KCNU1: variants seen among roughly 807,000 people sequenced by gnomAD.
KCNU1 encodes potassium calcium-activated channel subfamily U member 1.
Under a neutral mutation model 126.8 loss-of-function variants are expected in KCNU1, and 93 were observed. The ratio of observed to expected loss-of-function variants is 0.73; its 90% CI spans 0.62 to 0.87. The LOEUF is 0.87. Among genes scored for constraint, KCNU1 ranks in the 40% least tolerant of loss-of-function variants. The probability of loss-of-function intolerance (pLI) is 0.00; values close to 1 mark genes in which losing one functional copy is unlikely to be tolerated. For synonymous variants in KCNU1, 523 were observed against 494.2 expected (o/e 1.06, Z -0.77); for missense variants, 1,330 against 1,367.1 (o/e 0.97, Z 0.43).
At chr8:36,927,637 T>A (rs893562714) in intron 24 of KCNU1, among the ~76,000 whole-genome samples, 3 of 152,162 alleles carry the variant, frequency 2.0e-5, no homozygotes, top group African/African-American at 7.2e-5. Flanking sequence ...TCTTAAGGTC[T>A]TTGAGAATTC....
chr8:36,883,029 T>A (rs1806545972), intron 19 of KCNU1, among the ~76,000 whole-genome samples: 1 of 152,244 alleles, frequency 6.6e-6, no homozygotes. Flanking sequence ...CAAAGATATA[T>A]TGAATGAGTC....
At chr8:36,889,473 A>G (rs189283488) in intron 19 of KCNU1, among the ~76,000 whole-genome samples, 5 of 151,416 alleles carry the variant, frequency 3.3e-5, no homozygotes, top group Admixed American at 1.3e-4. Flanking sequence ...ACTTTTAAGG[A>G]AAAAAAAACT....
intron 19 of KCNU1, among the ~76,000 whole-genome samples, chr8:36,890,800 A>G (rs1222681253): frequency 6.6e-6 from 1 of 151,926 alleles, no homozygotes; most frequent in Non-Finnish European, 1.5e-5. Context: ...AAAATAATGA[A>G]GAAAGATAAA....
Position 36,936,026 on chromosome 8 carries a change from G to A in KCNU1, c.*106G>A. ...AAGAATGGAAGCATGCCATTTTTCT[G>A]CCCATTGCTTAGTGGTTCATGAAGG... On this transcript the variant is annotated 3_prime_UTR_variant, in exon 27 of 27. Coordinates refer to ENST00000399881, the MANE Select transcript of KCNU1 (RefSeq NM_001031836.3). 9.4e-7 allele frequency: 1 copy of A among 1,068,696 alleles called. No individual in the cohort carries two copies. The highest frequency in any genetic ancestry group is 1.3e-6 in the Non-Finnish European group (1 of 751,202). 66.2% of individuals were successfully genotyped at this position (1,068,696 alleles called of 1,614,324 possible).
chr8:36,903,999 G>A (rs1807524341), intron 19 of KCNU1, among the ~76,000 whole-genome samples: 1 of 152,054 alleles, frequency 6.6e-6, no homozygotes, highest in Non-Finnish European at 1.5e-5. Flanking sequence ...GGGATTATGA[G>A]AACTACCGTT....
rs1803503740 is a variant in KCNU1 at position 36,806,384 on chromosome 8, A to G, written c.580+4A>G. On this transcript the variant is annotated splice_donor_region_variant and intron_variant, in intron 5 of 26. Transcript: ENST00000399881. ...TATTTGAAGAGCAATTGGCTAGGTA[A>G]GTGTGCTCTGGGAACGGGTAGCAAT... 5 of 1,501,004 alleles carry G rather than the reference A, an allele frequency of 3.3e-6. No individual in the cohort carries two copies. The East Asian group carries it at 1.1e-4, about 34-fold the overall frequency. The allele number at this position is 1,501,004 out of a possible 1,614,324, so 93.0% of individuals were successfully genotyped here.
chr8:36,931,539 A>AAT (rs1276536330), intron 25 of KCNU1, among the ~76,000 whole-genome samples: 1 of 152,032 alleles, frequency 6.6e-6, no homozygotes, highest in Non-Finnish European at 1.5e-5. Flanking sequence ...TTTTCCACTT[A>AAT]ATCTGCCCAT....
At chr8:36,934,872 C>A (rs1033075882) in intron 26 of KCNU1, among the ~76,000 whole-genome samples, 1 of 152,072 alleles carries the variant, frequency 6.6e-6, no homozygotes, top group East Asian at 1.9e-4. Flanking sequence ...GCTGTGTTAA[C>A]AGTTCTGGAT....
intron 19 of KCNU1, among the ~76,000 whole-genome samples, chr8:36,892,468 G>A (rs1022871556): frequency 3.3e-5 from 5 of 150,930 alleles, no homozygotes; most frequent in East Asian, 3.9e-4. Flanking sequence ...GCTTCCTTCC[G>A]GACAGTTTCT....
intron 25 of KCNU1, among the ~76,000 whole-genome samples, chr8:36,932,493 G>A (rs1211674068): frequency 6.6e-6 from 1 of 152,070 alleles, no homozygotes; most frequent in South Asian, 2.1e-4. Flanking sequence ...CCGAGAATAA[G>A]GTCCAGATGA....
intron 6 of KCNU1, among the ~76,000 whole-genome samples, chr8:36,808,300 A>G (rs1372047720): frequency 1.3e-5 from 2 of 152,098 alleles, no homozygotes; most frequent in Non-Finnish European, 2.9e-5. Flanking sequence ...TTATTTTGCA[A>G]ATCTGCTCCC....
Position 36,834,970 on chromosome 8 carries a change from A to T in KCNU1, c.1295+102A>T, listed in dbSNP as rs552288588. On this transcript the variant is annotated intron_variant, in intron 12 of 26. Coordinates refer to ENST00000399881, the MANE Select transcript of KCNU1 (RefSeq NM_001031836.3). ...TAAAAAGGAGAAAATGTCGTCTATC[A>T]TATCACTAGGTTCATCATATTCCAA... is the stretch of plus-strand genomic sequence containing the variant. The T allele has an allele frequency of 1.7e-4, 128 of 751,110 alleles. No homozygotes were observed. In the African/African-American group the frequency reaches 2.0e-3, roughly 12 times the overall value. The allele number at this position is 751,110 out of a possible 1,614,324, so 46.5% of individuals were successfully genotyped here.
At position 36,805,246 on chromosome 8, in the gene KCNU1, G is replaced by C. The variant is rs1314329599; in HGVS notation, c.429G>C (p.Leu143Phe). ...SYEDKTIPID[L>F]VFNAFFSFYF... is the part of the protein sequence containing the mutation. ...AAGACAAAACCATTCCTATTGATTT[G>C]GTTTTCAATGCTTTCTTTAGTTTCT... Residue 143 changes from leucine (L) to phenylalanine (F), a missense_variant, in exon 4 of 27, where the codon TTG becomes TTC. By Grantham distance (22) the Leu-to-Phe change is conservative. Around this residue, in one of 3 missense-constraint regions of KCNU1, gnomAD observed 247 missense variants for 255.4 expected, o/e 0.97. Coordinates refer to ENST00000399881, the MANE Select transcript of KCNU1 (RefSeq NM_001031836.3). 6.2e-7 allele frequency: 1 copy of C among 1,608,894 alleles called. No homozygotes were observed. The highest frequency in any genetic ancestry group is 8.5e-7 in the Non-Finnish European group (1 of 1,177,054).
At chr8:36,930,506 A>G (rs1215585746) in intron 24 of KCNU1, among the ~76,000 whole-genome samples, 2 of 152,310 alleles carry the variant, frequency 1.3e-5, no homozygotes, top group African/African-American at 4.8e-5. Context: ...ATCCACATCC[A>G]CAAGGCTCAA....
At chr8:36,816,125 C>T (rs1178634264) in intron 9 of KCNU1, among the ~76,000 whole-genome samples, 1 of 152,036 alleles carries the variant, frequency 6.6e-6, no homozygotes, top group Non-Finnish European at 1.5e-5. Flanking sequence ...TTGTCTTAGC[C>T]AAAGCTCCCC....
rs1337526448 is a variant in KCNU1, at chr8:36,814,300, A to T, written c.826A>T (p.Thr276Ser). The T allele has an allele frequency of 4.3e-6, 7 of 1,612,924 alleles. No individual in the cohort carries two copies. The highest frequency in any genetic ancestry group is 5.9e-6 in the Non-Finnish European group (7 of 1,179,236). ...TTACCTGGTCATGGCAACAACGTCA[A>T]CCGTTGGATTTGGAGATGTGGTAGC... ...SIYLVMATTSTVGFGDVVAKT... is the reference protein window; with the variant it reads ...SIYLVMATTSSVGFGDVVAKT... Residue 276 changes from threonine (T) to serine (S), a missense_variant, in exon 8 of 27, where the codon ACC becomes TCC. By Grantham distance (58) the Thr-to-Ser change is moderately conservative. Coordinates refer to ENST00000399881, the MANE Select transcript of KCNU1 (RefSeq NM_001031836.3).
chr8:36,897,443 A>T (rs1424247879), intron 19 of KCNU1, among the ~76,000 whole-genome samples: 1 of 152,038 alleles, frequency 6.6e-6, no homozygotes, highest in Non-Finnish European at 1.5e-5. Context: ...GGAACATCTA[A>T]ATAGTTTCTT....
At chr8:36,831,633 G>A (rs533365590) in intron 10 of KCNU1, among the ~76,000 whole-genome samples, 1 of 146,664 alleles carries the variant, frequency 6.8e-6, no homozygotes, top group Non-Finnish European at 1.5e-5. Context: ...AAATTTGTTT[G>A]AGTTCATTGT....
intron 21 of KCNU1, 111 bp from the exon 22 acceptor site, chr8:36,910,819 T>A (rs1293540442): frequency 1.5e-6 from 1 of 672,616 alleles, no homozygotes; most frequent in East Asian, 2.6e-5. Flanking sequence ...TCAGCAAAGG[T>A]TGGAGCTCAA....
Sources: gnomAD v4.1 joint callset for allele counts (sites outside exome capture counted in the v4.1 genomes callset) on GRCh38, gnomAD v4.1.1 for gene constraint, gnomAD v4.1.1 regional missense constraint, MANE v1.5 for transcripts, NCBI Gene and HGNC (gene_info 2026-07-23, HGNC 2026-07-21) for gene names.